The following ASAP1 variants were observed in gnomAD, a reference collection of about 807,000 sequenced individuals.
The protein encoded by ASAP1 is ArfGAP with SH3 domain, ankyrin repeat and PH domain 1.
Under a neutral mutation model 145.2 loss-of-function variants are expected in ASAP1, and 43 were observed. The ratio of observed to expected loss-of-function variants is 0.30; its 90% confidence interval spans 0.23 to 0.38. ASAP1 has a LOEUF of 0.38. ASAP1 is among the 10% of genes least tolerant of loss of function. ASAP1 has a pLI of 1.00. For synonymous variants in ASAP1, 546 were observed against 515.5 expected (o/e 1.06, Z -0.80); for missense variants, 1,018 against 1,355.3 (o/e 0.75, Z 3.91).
At chr8:130,117,459 A>G (rs1356795742) in intron 20 of ASAP1, among the ~76,000 whole-genome samples, 1 of 152,170 alleles carries the variant, frequency 6.6e-6, no homozygotes, top group Non-Finnish European at 1.5e-5. Context: ...CTTTTATACA[A>G]TTTGGCTTGT....
At chr8:130,097,693 C>T (rs1276320316) in intron 24 of ASAP1, among the ~76,000 whole-genome samples, 2 of 152,180 alleles carry the variant, frequency 1.3e-5, no homozygotes, top group Admixed American at 6.5e-5. Context: ...GTTTTCAGGC[C>T]AAAGCTCTTG....
intron 3 of ASAP1, among the ~76,000 whole-genome samples, chr8:130,323,038 T>C (rs1824107416): frequency 6.6e-6 from 1 of 152,164 alleles, no homozygotes; most frequent in Admixed American, 6.5e-5. Context: ...TGCAATGAAA[T>C]TATCGTGCAT....
chr8:130,408,604 A>G (rs1437022813), intron 1 of ASAP1, among the ~76,000 whole-genome samples: 1 of 152,148 alleles, frequency 6.6e-6, no homozygotes, highest in Non-Finnish European at 1.5e-5. Flanking sequence ...TCCACTTATT[A>G]TAAGGGTGAG....
At chr8:130,307,556 C>T (rs1165494990) in intron 3 of ASAP1, among the ~76,000 whole-genome samples, 2 of 152,016 alleles carry the variant, frequency 1.3e-5, no homozygotes, top group Non-Finnish European at 2.9e-5. Flanking sequence ...TTTTCTCTTA[C>T]TTTTTTCTCC....
At chr8:130,438,828 C>T (rs1565316320) in intron 1 of ASAP1, among the ~76,000 whole-genome samples, 1 of 152,198 alleles carries the variant, frequency 6.6e-6, no homozygotes, top group Non-Finnish European at 1.5e-5. Context: ...AAGTGCATCA[C>T]TACAGCCACG....
At chr8:130,417,744 T>TC (rs745865493) in intron 1 of ASAP1, among the ~76,000 whole-genome samples, 10 of 152,258 alleles carry the variant, frequency 6.6e-5, no homozygotes, top group Non-Finnish European at 1.5e-4. Context: ...AGGTTAGTCT[T>TC]CATCTGTTGG....
rs2097559604 is a variant in ASAP1, at chr8:130,118,254, G to A, written c.1795-8C>T. On this transcript the variant is annotated splice_polypyrimidine_tract_variant and splice_region_variant and intron_variant, in intron 19 of 29. Coordinates refer to ENST00000518721, the MANE Select transcript of ASAP1 (RefSeq NM_018482.4). ...GGCTGTCTCCCCAAGCTCCTAAAAA[G>A]GGAAAGAAAAGTATAAGTAAGTCAA... 6.2e-7 allele frequency: 1 copy of A among 1,613,160 alleles called. No individual in the cohort carries two copies. Among genetic ancestry groups the A allele is most frequent in the Non-Finnish European group, 8.5e-7 (1 of 1,179,476 alleles).
chr8:130,237,590 T>A (rs1818289822), intron 3 of ASAP1, among the ~76,000 whole-genome samples: 2 of 152,132 alleles, frequency 1.3e-5, no homozygotes. Flanking sequence ...ATCATGATGC[T>A]GGTAATGCTT....
intron 3 of ASAP1, among the ~76,000 whole-genome samples, chr8:130,351,240 G>C (rs1825975420): frequency 6.6e-6 from 1 of 152,156 alleles, no homozygotes; most frequent in South Asian, 2.1e-4. Context: ...GTGAAATACA[G>C]AAGAAACGGA....
rs186967211 is a variant in ASAP1, at chr8:130,373,802, G to A, written c.60-15659C>T. The stretch of plus-strand genomic sequence containing the variant: ...GCAGAGGTTGCAGTGAGCCGAGATC[G>A]TGCCACTGCACTCCAGCCTGGGTGA... On this transcript the variant is annotated intron_variant, in intron 2 of 29. Coordinates refer to ENST00000518721, the MANE Select transcript of ASAP1 (RefSeq NM_018482.4). Among the ~76,000 whole-genome samples the A allele has an allele frequency of 4.2e-3, 620 of 146,196 alleles. 1 individual carries two copies. The highest frequency in any genetic ancestry group is 7.2e-3 in the Non-Finnish European group (486 of 67,046).
chr8:130,133,513 G>A (rs962551322), intron 15 of ASAP1, among the ~76,000 whole-genome samples: 7 of 151,676 alleles, frequency 4.6e-5, no homozygotes, highest in Non-Finnish European at 8.8e-5. Context: ...AAAATTAGCC[G>A]GGCGCGGTGG....
intron 27 of ASAP1, among the ~76,000 whole-genome samples, chr8:130,062,307 GAAGA>G (rs2097421322): frequency 6.6e-6 from 1 of 152,156 alleles, no homozygotes; most frequent in Non-Finnish European, 1.5e-5. Context: ...TAAAGAAGGA[GAAGA>G]AACAGATAAA....
At chr8:130,360,005 C>T (rs940701753) in intron 2 of ASAP1, among the ~76,000 whole-genome samples, 4 of 152,216 alleles carry the variant, frequency 2.6e-5, no homozygotes, top group African/African-American at 9.6e-5. Context: ...GGGATCTTGT[C>T]TTAGCCTTGG....
intron 3 of ASAP1, among the ~76,000 whole-genome samples, chr8:130,334,690 T>C (rs1824924633): frequency 6.6e-6 from 1 of 152,232 alleles, no homozygotes; most frequent in South Asian, 2.1e-4. Flanking sequence ...TGTGTAGTGA[T>C]TTCCTGTTTC....
intron 11 of ASAP1, among the ~76,000 whole-genome samples, chr8:130,162,479 T>C (rs754808677): frequency 5.3e-5 from 8 of 152,160 alleles, no homozygotes; most frequent in Non-Finnish European, 8.8e-5. Flanking sequence ...TACTCAATTA[T>C]GAATTTGGAG....
chr8:130,122,845 C>T (rs2097568782), intron 18 of ASAP1, among the ~76,000 whole-genome samples: 1 of 152,220 alleles, frequency 6.6e-6, no homozygotes, highest in Non-Finnish European at 1.5e-5. Context: ...AGAAACAGGA[C>T]ATAAAAACCC....
chr8:130,093,666 C>CAAA (rs71572317), intron 24 of ASAP1, among the ~76,000 whole-genome samples: 697 of 52,066 alleles, frequency 0.013, 56 homozygotes, highest in African/African-American at 0.039. Flanking sequence ...GACTCCGTCT[C>CAAA]AAAAAAAAAA....
chr8:130,200,330 T>C (rs1258172231), intron 5 of ASAP1, among the ~76,000 whole-genome samples: 2 of 152,210 alleles, frequency 1.3e-5, no homozygotes, highest in African/African-American at 4.8e-5. Context: ...AATGTGCCTC[T>C]GGGTTCTGCA....
chr8:130,318,274 G>A (rs1218754467), intron 3 of ASAP1, among the ~76,000 whole-genome samples: 1 of 152,020 alleles, frequency 6.6e-6, no homozygotes, highest in African/African-American at 2.4e-5. Context: ...TAGAGACAGG[G>A]TTTCACTATG....
Sources: allele counts gnomAD v4.1 joint callset (sites outside exome capture counted in the v4.1 genomes callset), GRCh38; gene constraint gnomAD v4.1.1; transcripts MANE v1.5; gene names NCBI Gene and HGNC (gene_info 2026-07-23, HGNC 2026-07-21).